NCALD: variants seen among roughly 807,000 people sequenced by gnomAD.
NCALD encodes the protein neurocalcin delta.
In NCALD, 10 loss-of-function variants were observed where a neutral mutation model predicts 18.6. The ratio of observed to expected loss-of-function variants is 0.54; its 90% confidence interval spans 0.33 to 0.91. The LOEUF is 0.91. Among genes scored for constraint, NCALD ranks in the 40% least tolerant of loss-of-function variants. NCALD has a pLI of 0.03. For synonymous variants in NCALD, 88 were observed against 87.4 expected (o/e 1.01, Z -0.04); for missense variants, 184 against 247.6 (o/e 0.74, Z 1.72).
At chr8:101,756,563 G>C (rs1202647416) in intron 1 of NCALD, among the ~76,000 whole-genome samples, 1 of 152,218 alleles carries the variant, frequency 6.6e-6, no homozygotes, top group African/African-American at 2.4e-5. Flanking sequence ...TCTTTGCACG[G>C]AATAAGCCCT....
intron 1 of NCALD, among the ~76,000 whole-genome samples, chr8:102,119,994 A>G (rs1825897936): frequency 6.6e-6 from 1 of 152,258 alleles, no homozygotes; most frequent in South Asian, 2.1e-4. Context: ...ACTTGCAGGA[A>G]TAGAGAGGCT....
chr8:101,895,166 T>A (rs949581498), intron 3 of NCALD, among the ~76,000 whole-genome samples: 1 of 151,084 alleles, frequency 6.6e-6, no homozygotes, highest in Non-Finnish European at 1.5e-5. Context: ...TTATCCACCA[T>A]GATCAAGTGG....
At chr8:102,082,797 A>G (rs1824594994) in intron 1 of NCALD, among the ~76,000 whole-genome samples, 1 of 152,200 alleles carries the variant, frequency 6.6e-6, no homozygotes, top group Non-Finnish European at 1.5e-5. Flanking sequence ...TAAGAGGCTG[A>G]GCTCTCCCCC....
chr8:101,884,040 C>T (rs1424633626), intron 4 of NCALD, among the ~76,000 whole-genome samples: 1 of 152,206 alleles, frequency 6.6e-6, no homozygotes, highest in African/African-American at 2.4e-5. Context: ...CTGGCTCCTG[C>T]CACCCCTCTA....
At chr8:101,736,814 G>A (rs1196899550) in intron 1 of NCALD, among the ~76,000 whole-genome samples, 1 of 152,198 alleles carries the variant, frequency 6.6e-6, no homozygotes, top group Non-Finnish European at 1.5e-5. Context: ...AAAGGTCTTA[G>A]TGCTGTTGAG....
chr8:102,015,464 T>G (rs1822051419), intron 2 of NCALD, among the ~76,000 whole-genome samples: 1 of 152,218 alleles, frequency 6.6e-6, no homozygotes, highest in African/African-American at 2.4e-5. Context: ...TTCTTTTGAT[T>G]TGGTTTCCAT....
chr8:101,758,412 A>G (rs923089290), intron 1 of NCALD, among the ~76,000 whole-genome samples: 1 of 152,196 alleles, frequency 6.6e-6, no homozygotes, highest in Non-Finnish European at 1.5e-5. Context: ...TTACTTTCCA[A>G]TGACAAATCA....
chr8:101,799,992 A>G (rs1231997894), intron 4 of NCALD, among the ~76,000 whole-genome samples: 1 of 152,226 alleles, frequency 6.6e-6, no homozygotes, highest in East Asian at 1.9e-4. Flanking sequence ...ATTTATTTCA[A>G]GATAAAAGTT....
At chr8:101,765,374 T>C (rs536103834) in intron 1 of NCALD, among the ~76,000 whole-genome samples, 10 of 152,228 alleles carry the variant, frequency 6.6e-5, no homozygotes, top group Non-Finnish European at 8.8e-5. Context: ...GAGAATGCCT[T>C]GGGAAGGCTC....
intron 2 of NCALD, among the ~76,000 whole-genome samples, chr8:101,953,156 C>G (rs1819496248): frequency 2.0e-5 from 3 of 152,098 alleles, no homozygotes; most frequent in Admixed American, 6.5e-5. Flanking sequence ...ATGACAGCAG[C>G]CCTTCCAACC....
intron 1 of NCALD, among the ~76,000 whole-genome samples, chr8:102,111,113 G>A (rs141858743): frequency 0.017 from 2,634 of 152,196 alleles, 103 homozygotes; most frequent in African/African-American, 0.06. Flanking sequence ...TCTATATTGT[G>A]CATATTTTAT....
chr8:101,818,987 G>C (rs1014396073), intron 4 of NCALD, among the ~76,000 whole-genome samples: 27 of 152,278 alleles, frequency 1.8e-4, no homozygotes, highest in African/African-American at 6.5e-4. Context: ...CTGGGCAACA[G>C]AGTGAGACTC....
intron 2 of NCALD, among the ~76,000 whole-genome samples, chr8:101,940,915 C>T (rs185837856): frequency 1.3e-5 from 2 of 152,046 alleles, no homozygotes; most frequent in Admixed American, 6.5e-5. Context: ...TAGAACCCAC[C>T]GTCAAAGCTA....
chr8:101,828,601 A>G (rs1184283562), intron 4 of NCALD, among the ~76,000 whole-genome samples: 4 of 146,996 alleles, frequency 2.7e-5, no homozygotes, highest in Non-Finnish European at 6.0e-5. Flanking sequence ...ACAAACTTAT[A>G]TAACTCATTT....
At chr8:101,962,946 A>G (rs1023002361) in intron 2 of NCALD, among the ~76,000 whole-genome samples, 1 of 152,162 alleles carries the variant, frequency 6.6e-6, no homozygotes, top group East Asian at 1.9e-4. Flanking sequence ...AAACAAAAAG[A>G]TGTATTGCCA....
intron 1 of NCALD, among the ~76,000 whole-genome samples, chr8:102,047,299 G>T (rs1027104042): frequency 6.6e-6 from 1 of 152,074 alleles, no homozygotes; most frequent in Admixed American, 6.5e-5. Context: ...TGTTATAGAG[G>T]TGATATCTGA....
At chr8:101,903,437 C>T (rs541466622) in intron 3 of NCALD, among the ~76,000 whole-genome samples, 8 of 152,202 alleles carry the variant, frequency 5.3e-5, no homozygotes, top group Non-Finnish European at 7.4e-5. Context: ...TCTCATGATC[C>T]GCCCACCTCA....
chr8:101,771,060 A>G (rs1224904598), intron 1 of NCALD, among the ~76,000 whole-genome samples: 4 of 152,162 alleles, frequency 2.6e-5, no homozygotes, highest in African/African-American at 9.7e-5. Flanking sequence ...CCCCACCCCT[A>G]TATCAAAGTT....
At chr8:101,728,307 C>T (rs1395845158) in intron 1 of NCALD, among the ~76,000 whole-genome samples, 2 of 151,418 alleles carry the variant, frequency 1.3e-5, no homozygotes, top group Non-Finnish European at 2.9e-5. Flanking sequence ...GTTCTGAAAG[C>T]TCCATGACTT....
Sources: allele counts gnomAD v4.1 joint callset (sites outside exome capture counted in the v4.1 genomes callset), GRCh38; gene constraint gnomAD v4.1.1; transcripts MANE v1.5; gene names NCBI Gene and HGNC (gene_info 2026-07-23, HGNC 2026-07-21).